Variants in TRARG1 observed in about 807,000 individuals in gnomAD.
TRARG1 encodes the protein trafficking regulator of GLUT4 1.
Under a neutral mutation model 13.3 loss-of-function variants are expected in TRARG1, and 16 were observed. The observed-to-expected ratio is 1.20, with a 90% confidence interval of 0.81 to 1.83. The LOEUF (loss-of-function observed/expected upper bound fraction) is 1.83, where lower values mean the gene tolerates loss of function less well. Among genes scored for constraint, TRARG1 ranks in the 40% most tolerant of loss-of-function variants. The pLI is 0.00. For missense variants in TRARG1, 250 were observed against 237.4 expected, an observed-to-expected ratio of 1.05 and a Z score of -0.35; for synonymous variants, 113 against 106.2, an observed-to-expected ratio of 1.06 and a Z score of -0.39.
chr17:1,285,277 G>A (rs986278492), intron 1 of TRARG1, among the ~76,000 whole-genome samples: 2 of 151,888 alleles, frequency 1.3e-5, no homozygotes, highest in Non-Finnish European at 2.9e-5. Context: ...CAGGCGTGGC[G>A]GCACACACCT....
rs1163623653 is a variant in TRARG1 at position 1,280,346 on chromosome 17, C to T, written c.345C>T (p.Pro115=). 8.1e-6 allele frequency: 13 copies of T among 1,611,360 alleles called. No individual in the cohort carries two copies. Among genetic ancestry groups the T allele is most frequent in the Admixed American group, 3.3e-5 (2 of 59,728 alleles). Residue 115 remains proline, a synonymous_variant, in exon 1 of 3, where the codon CCC becomes CCT. Coordinates refer to ENST00000333813, the MANE Select transcript of TRARG1 (RefSeq NM_172367.3). ...LILAVVACFC[P]VWPLNLIPLI... ...TGGCCGTCGTCGCCTGCTTCTGCCCCGTCTGGCCCCTCAACCTCATCCCCC... is the reference window on the plus strand; with the variant it reads ...TGGCCGTCGTCGCCTGCTTCTGCCCTGTCTGGCCCCTCAACCTCATCCCCC...
chr17:1,293,758 G>A (rs908183203), intron 1 of TRARG1, among the ~76,000 whole-genome samples: 2 of 152,122 alleles, frequency 1.3e-5, no homozygotes, highest in Non-Finnish European at 2.9e-5. Context: ...GACGGAGCTT[G>A]GAATGGAAGT....
chr17:1,300,780 G>T lies in TRARG1; in HGVS notation c.*2516G>T, dbSNP rs1468318205. On this transcript the variant is annotated 3_prime_UTR_variant, in exon 3 of 3. Transcript: ENST00000333813. Reference sequence around the variant, plus strand: ...CCCCACGCCGCCTGGAGGCCAGAGGGGTCAGTGGCCCTGCTGTCCCGGCTC... The same window carrying T: ...CCCCACGCCGCCTGGAGGCCAGAGGTGTCAGTGGCCCTGCTGTCCCGGCTC... The T allele has an allele frequency of 6.6e-6, 1 of 152,464 alleles. No homozygotes were observed. The highest frequency in any genetic ancestry group is 2.4e-5 in the African/African-American group (1 of 41,576). 9.4% of individuals were successfully genotyped at this position (152,464 alleles called of 1,614,324 possible).
intron 1 of TRARG1, among the ~76,000 whole-genome samples, chr17:1,285,347 A>G (rs369117587): frequency 1.5e-4 from 22 of 151,204 alleles, no homozygotes; most frequent in South Asian, 6.3e-4. Context: ...GGCGGCAGAG[A>G]TTGCAATGAG....
intron 1 of TRARG1, among the ~76,000 whole-genome samples, chr17:1,288,684 C>T (rs1448080326): frequency 1.4e-5 from 1 of 71,906 alleles, no homozygotes; most frequent in African/African-American, 6.3e-5. Flanking sequence ...TCCCCACCCC[C>T]CACGGGCTCC....
At chr17:1,284,093 C>A (rs571081517) in intron 1 of TRARG1, among the ~76,000 whole-genome samples, 1 of 148,838 alleles carries the variant, frequency 6.7e-6, no homozygotes, top group African/African-American at 2.5e-5. Flanking sequence ...CCAGCCTGGG[C>A]GACAGAGCAA....
intron 2 of TRARG1, among the ~76,000 whole-genome samples, chr17:1,297,884 C>T (rs1410415210): frequency 2.6e-5 from 4 of 152,146 alleles, no homozygotes; most frequent in East Asian, 3.9e-4. Context: ...GGATGACAGG[C>T]GTGAGCTGCC....
intron 1 of TRARG1, among the ~76,000 whole-genome samples, chr17:1,292,941 G>A (rs1369457445): frequency 6.6e-6 from 1 of 152,116 alleles, no homozygotes; most frequent in Non-Finnish European, 1.5e-5. Flanking sequence ...AGTGTGAATC[G>A]GGGGCGTGGG....
At chr17:1,291,986 A>G (rs1002610089) in intron 1 of TRARG1, among the ~76,000 whole-genome samples, 3 of 152,200 alleles carry the variant, frequency 2.0e-5, no homozygotes, top group African/African-American at 7.2e-5. Flanking sequence ...AGCCTGACCA[A>G]CATGATGAAA....
chr17:1,280,056 G>T lies in TRARG1; in HGVS notation c.55G>T (p.Ala19Ser), dbSNP rs199751182. The change falls in exon 1 of 3, where the codon GCA (alanine) becomes TCA (serine). Residue 19 changes from alanine (A) to serine (S), a missense_variant. Coordinates refer to ENST00000333813, the MANE Select transcript of TRARG1 (RefSeq NM_172367.3). ...TTCAGCACAGGAGCCAGGCTCCGCC[G>T]CATTCCTGGACCTGCCGGAGATGGA... ...FPSAQEPGSA[A>S]FLDLPEMEIL... 3.5e-4 allele frequency: 565 copies of T among 1,613,390 alleles called. 8 individuals carry two copies. In the Admixed American group the frequency reaches 9.3e-3, roughly 27 times the overall value.
At chr17:1,294,834 C>G (rs938557309) in intron 1 of TRARG1, among the ~76,000 whole-genome samples, 1 of 152,068 alleles carries the variant, frequency 6.6e-6, no homozygotes, top group Non-Finnish European at 1.5e-5. Context: ...TATAGGGGTG[C>G]ACCACCACGC....
At chr17:1,290,418 C>T (rs983267739) in intron 1 of TRARG1, among the ~76,000 whole-genome samples, 1 of 152,194 alleles carries the variant, frequency 6.6e-6, no homozygotes, top group Admixed American at 6.5e-5. Flanking sequence ...GCTTCAGCCT[C>T]CCGAGTAGCT....
intron 1 of TRARG1, 70 bp downstream of exon 1, chr17:1,280,458 G>T (rs893854400): frequency 1.4e-6 from 2 of 1,450,276 alleles, no homozygotes; most frequent in Non-Finnish European, 1.8e-6. Flanking sequence ...CCCCAGGCAG[G>T]CACCAAACAC....
rs773995458 is a variant in TRARG1, at chr17:1,280,233, C to T, written c.232C>T (p.Pro78Ser). Residue 78 changes from proline (P) to serine (S), a missense_variant, in exon 1 of 3, where the codon CCC becomes TCC. By Grantham distance (74) the Pro-to-Ser change is moderately conservative. Transcript: ENST00000333813. ...GHLEAPLPRS[P>S]SRASSRRASS... The stretch of plus-strand genomic sequence containing the variant: ...CCTGGAGGCCCCACTGCCTCGGTCC[C>T]CCTCCCGGGCCAGCTCAAGGAGGGC... The T allele has an allele frequency of 1.9e-6, 3 of 1,614,070 alleles. No individual in the cohort carries two copies. Among genetic ancestry groups the T allele is most frequent in the Non-Finnish European group, 2.5e-6 (3 of 1,179,988 alleles).
chr17:1,297,621 C>G (rs552168851), intron 2 of TRARG1, among the ~76,000 whole-genome samples: 81 of 140,018 alleles, frequency 5.8e-4, no homozygotes, highest in African/African-American at 2.0e-3. Context: ...TTTTTTTTCC[C>G]CAGACAGAGT....
intron 2 of TRARG1, 31 bp downstream of exon 2, chr17:1,295,654 C>G: frequency 6.3e-7 from 1 of 1,594,804 alleles, no homozygotes. Flanking sequence ...GAGGAGGAAG[C>G]CAGCTTGCCT....
At position 1,280,377 on chromosome 17, in the gene TRARG1, A is replaced by G. The variant is rs748162909; in HGVS notation, c.376A>G (p.Ile126Val). ...VWPLNLIPLI[I>V]SIMSRSSMQQ... ...GCCCCTCAACCTCATCCCCCTCATCATTTCCATCATGGTAAGTGCTGGTCT... is the reference window on the plus strand; with the variant it reads ...GCCCCTCAACCTCATCCCCCTCATCGTTTCCATCATGGTAAGTGCTGGTCT... The change falls in exon 1 of 3, where the codon ATT becomes GTT. Residue 126 changes from isoleucine (I) to valine (V), a missense_variant. Physicochemically the swap from Ile to Val is conservative, Grantham distance 29 (BLOSUM62 3). Coordinates refer to ENST00000333813, the MANE Select transcript of TRARG1 (RefSeq NM_172367.3). 1.3e-6 allele frequency: 2 copies of G among 1,598,080 alleles called. No homozygotes were observed. The highest frequency in any genetic ancestry group is 1.7e-5 in the Admixed American group (1 of 58,592).
At chr17:1,282,200 G>A (rs545420276) in intron 1 of TRARG1, among the ~76,000 whole-genome samples, 11 of 142,814 alleles carry the variant, frequency 7.7e-5, no homozygotes, top group African/African-American at 1.7e-4. Context: ...ACGTGTACAC[G>A]TGCGTATATG....
chr17:1,284,081 C>G (rs1003743476), intron 1 of TRARG1, among the ~76,000 whole-genome samples: 7 of 151,086 alleles, frequency 4.6e-5, no homozygotes, highest in Non-Finnish European at 8.8e-5. Context: ...TGCCACTGCA[C>G]TCCAGCCTGG....
Sources: allele counts gnomAD v4.1 joint callset (sites outside exome capture counted in the v4.1 genomes callset), GRCh38; gene constraint gnomAD v4.1.1; transcripts MANE v1.5; gene names NCBI Gene and HGNC (gene_info 2026-07-23, HGNC 2026-07-21).